Variants in CNTN5 observed in about 807,000 individuals in gnomAD.
The protein encoded by CNTN5 is contactin 5.
In CNTN5, 77 loss-of-function variants were observed where a neutral mutation model predicts 129.1. That is an observed-to-expected ratio of 0.60 (90% CI 0.50 to 0.72). The LOEUF (loss-of-function observed/expected upper bound fraction) is 0.72. Among genes scored for constraint, CNTN5 ranks in the 30% least tolerant of loss-of-function variants. The pLI is 0.00. For synonymous variants in CNTN5, 509 were observed against 465.6 expected (o/e 1.09, Z -1.20); for missense variants, 1,478 against 1,328.8 (o/e 1.11, Z -1.75).
Position 100,350,158 on chromosome 11 carries a change from G to A in CNTN5, c.3031-544G>A, listed in dbSNP as rs147395300. On this transcript the variant is annotated intron_variant, in intron 23 of 24. Coordinates refer to ENST00000524871, the MANE Select transcript of CNTN5 (RefSeq NM_014361.4). ...TTCAACTGTTTCCTACATTGTTAAGGATTTATTATTGGTATGTTTAACAAA... is the reference window on the plus strand; with the variant it reads ...TTCAACTGTTTCCTACATTGTTAAGAATTTATTATTGGTATGTTTAACAAA... 2.2e-3 allele frequency among the ~76,000 whole-genome samples: 333 copies of A among 151,798 alleles called. 4 individuals carry two copies. Among genetic ancestry groups the A allele is most frequent in the African/African-American group, 7.5e-3 (313 of 41,480 alleles).
chr11:99,984,105 TA>T (rs370169947), intron 8 of CNTN5, among the ~76,000 whole-genome samples: 1,625 of 152,122 alleles, frequency 0.011, 27 homozygotes, highest in African/African-American at 0.035. Flanking sequence ...CCATTTCTAC[TA>T]AAAATACACA....
At chr11:99,041,919 G>A (rs1322367337) in intron 1 of CNTN5, among the ~76,000 whole-genome samples, 1 of 152,158 alleles carries the variant, frequency 6.6e-6, no homozygotes, top group Non-Finnish European at 1.5e-5. Context: ...ATATGCCAAT[G>A]TGTTTCCAAT....
In CNTN5 at chr11:99,772,844, C is replaced by G. The variant is rs144437458; in HGVS notation, c.56-46700C>G. Among the ~76,000 whole-genome samples the G allele has an allele frequency of 3.1e-3, 479 of 152,170 alleles. 6 individuals are homozygous for G. Among genetic ancestry groups the G allele is most frequent in the African/African-American group, 0.011 (462 of 41,544 alleles). On this transcript the variant is annotated intron_variant, in intron 3 of 24. Transcript: ENST00000524871. ...TCTGTGGCACACATACACACACCCA[C>G]AGAGGCAGAAAGCTGGATGGGATTG...
chr11:100,006,189 G>A (rs1940179415), intron 9 of CNTN5, among the ~76,000 whole-genome samples: 1 of 152,072 alleles, frequency 6.6e-6, no homozygotes. Context: ...GCTAAAAATT[G>A]CTCATGCTGA....
At chr11:100,153,465 C>A (rs1217254338) in intron 13 of CNTN5, among the ~76,000 whole-genome samples, 3 of 151,940 alleles carry the variant, frequency 2.0e-5, no homozygotes, top group Non-Finnish European at 4.4e-5. Context: ...TATGTTCTTG[C>A]CCCCAAATTG....
intron 4 of CNTN5, among the ~76,000 whole-genome samples, chr11:99,838,906 A>C (rs1457912927): frequency 1.3e-5 from 2 of 152,170 alleles, no homozygotes; most frequent in Non-Finnish European, 2.9e-5. Context: ...TCATTAAGTC[A>C]AGCTGACACT....
chr11:100,118,382 T>C (rs1945907997), intron 13 of CNTN5, among the ~76,000 whole-genome samples: 1 of 151,886 alleles, frequency 6.6e-6, no homozygotes, highest in African/African-American at 2.4e-5. Flanking sequence ...GCAGTACTGC[T>C]CGTTACACTA....
intron 1 of CNTN5, among the ~76,000 whole-genome samples, chr11:99,149,532 C>G (rs1859945639): frequency 6.6e-6 from 1 of 152,022 alleles, no homozygotes. Flanking sequence ...TATACCACAA[C>G]TGTCATACGT....
intron 3 of CNTN5, among the ~76,000 whole-genome samples, chr11:99,781,634 T>C (rs183101803): frequency 3.3e-4 from 50 of 152,092 alleles, no homozygotes; most frequent in Non-Finnish European, 6.3e-4. Context: ...CCATAGCTCC[T>C]ACACCCAGCA....
Position 100,050,636 on chromosome 11 carries a change from TAAAA to T in CNTN5, c.981-10571_981-10568del, listed in dbSNP as rs569259073. 1.1e-3 allele frequency among the ~76,000 whole-genome samples: 168 copies of T among 149,044 alleles called. 1 individual carries two copies. Among genetic ancestry groups the T allele is most frequent in the Non-Finnish European group, 1.6e-4 (11 of 66,998 alleles). On this transcript the variant is annotated intron_variant, in intron 9 of 24. Coordinates refer to ENST00000524871, the MANE Select transcript of CNTN5 (RefSeq NM_014361.4). ...AACTTAAAGTATAATAATAATAAAA[TAAAA>T]AAAAGAAATGAGAAAAAAAAGACCT...
At chr11:99,859,013 A>G (rs1454538253) in intron 6 of CNTN5, among the ~76,000 whole-genome samples, 1 of 152,160 alleles carries the variant, frequency 6.6e-6, no homozygotes, top group African/African-American at 2.4e-5. Flanking sequence ...GAAGGAGGTA[A>G]CCAACTTGCT....
At chr11:99,673,145 C>T (rs1050075119) in intron 3 of CNTN5, among the ~76,000 whole-genome samples, 2 of 152,116 alleles carry the variant, frequency 1.3e-5, no homozygotes, top group Non-Finnish European at 2.9e-5. Context: ...AAAGACCCAA[C>T]TCAATACCAT....
chr11:100,342,739 G>T (rs370503201), intron 23 of CNTN5, among the ~76,000 whole-genome samples: 13 of 152,106 alleles, frequency 8.5e-5, no homozygotes, highest in African/African-American at 2.9e-4. Context: ...GATGACTAAC[G>T]TTGGCCCAGA....
chr11:99,905,256 G>A (rs934321516), intron 6 of CNTN5, among the ~76,000 whole-genome samples: 2 of 152,066 alleles, frequency 1.3e-5, no homozygotes, highest in Non-Finnish European at 2.9e-5. Flanking sequence ...TTTCTTCAAG[G>A]GTTTTTGTGG....
At chr11:99,982,201 G>A (rs924623804) in intron 8 of CNTN5, among the ~76,000 whole-genome samples, 2 of 152,138 alleles carry the variant, frequency 1.3e-5, no homozygotes, top group African/African-American at 2.4e-5. Flanking sequence ...GAACAGAGCC[G>A]GGGCTATGGT....
chr11:100,349,372 C>A (rs1269423696), intron 23 of CNTN5, among the ~76,000 whole-genome samples: 2 of 151,894 alleles, frequency 1.3e-5, no homozygotes, highest in Non-Finnish European at 2.9e-5. Context: ...GAAATACCAA[C>A]CCTTTAACAG....
intron 4 of CNTN5, among the ~76,000 whole-genome samples, chr11:99,828,442 G>A (rs192536171): frequency 8.7e-4 from 133 of 152,200 alleles, no homozygotes; most frequent in Non-Finnish European, 1.5e-3. Flanking sequence ...GAAGATGGAA[G>A]GGCAGAGACA....
At chr11:99,409,500 CT>C (rs2135000537) in intron 2 of CNTN5, among the ~76,000 whole-genome samples, 1 of 152,232 alleles carries the variant, frequency 6.6e-6, no homozygotes, top group East Asian at 1.9e-4. Flanking sequence ...AATAAAGGCA[CT>C]GACAAAAATG....
At chr11:99,327,938 A>G (rs1354987467) in intron 2 of CNTN5, among the ~76,000 whole-genome samples, 1 of 152,176 alleles carries the variant, frequency 6.6e-6, no homozygotes, top group Non-Finnish European at 1.5e-5. Flanking sequence ...TTCATTAGAG[A>G]AGAGTCTGAA....
Sources: gnomAD v4.1 joint callset for allele counts (sites outside exome capture counted in the v4.1 genomes callset) on GRCh38, gnomAD v4.1.1 for gene constraint, MANE v1.5 for transcripts, NCBI Gene and HGNC (gene_info 2026-07-23, HGNC 2026-07-21) for gene names.